Variants in KEL observed in about 807,000 individuals in gnomAD.
KEL encodes the protein kell blood group glycoprotein.
KEL carries 96 observed loss-of-function variants against 99.5 expected under a neutral mutation model. The ratio of observed to expected loss-of-function variants is 0.97; its 90% confidence interval spans 0.82 to 1.14. KEL has a LOEUF of 1.14. KEL is among the 50% of genes most tolerant of loss of function. KEL has a pLI of 0.00. For synonymous variants in KEL, 355 were observed against 354.8 expected, an observed-to-expected ratio of 1.00 and a Z score of -0.01; for missense variants, 926 against 924.2, an observed-to-expected ratio of 1.00 and a Z score of -0.03.
chr7:142,948,021 G>C (rs1796578609), intron 10 of KEL, among the ~76,000 whole-genome samples: 1 of 152,218 alleles, frequency 6.6e-6, no homozygotes, highest in Non-Finnish European at 1.5e-5. Context: ...ATGTGGAGCA[G>C]CAACCAGCAT....
Position 142,943,883 on chromosome 7 carries a change from T to C in KEL, c.1492A>G (p.Ile498Val), listed in dbSNP as rs1796440327. ...TGCAGGAAGCTCGATCCAAGCTGTA[T>C]CTGGGGAAGAGGCAGGAGGTGACTT... ...PELARQEYND[I>V]QLGSSFLQSV... The change falls in exon 14 of 19, where the codon ATA becomes GTA. Residue 498 changes from isoleucine to valine, a missense_variant and splice_region_variant. Physicochemically the swap from Ile to Val is conservative, Grantham distance 29. Coordinates refer to ENST00000355265, the MANE Select transcript of KEL (RefSeq NM_000420.3). 1.2e-6 allele frequency: 2 copies of C among 1,613,738 alleles called. No homozygotes were observed. Among genetic ancestry groups the C allele is most frequent in the South Asian group, 2.2e-5 (2 of 91,046 alleles).
At chr7:142,947,512 G>A (rs1162545811) in intron 10 of KEL, among the ~76,000 whole-genome samples, 1 of 152,140 alleles carries the variant, frequency 6.6e-6, no homozygotes, top group East Asian at 1.9e-4. Flanking sequence ...GTCCACATCT[G>A]TGTTCTATTG....
At chr7:142,943,146 A>G in intron 16 of KEL, 102 bp from the exon 17 acceptor site, 1 of 1,550,516 alleles carries the variant, frequency 6.4e-7, no homozygotes, top group Non-Finnish European at 8.9e-7. Flanking sequence ...AGCTCCCAGG[A>G]GCATGGCAAA....
chr7:142,946,095 C>T (rs1796516587), intron 11 of KEL, 112 bp downstream of exon 11: 9 of 779,576 alleles, frequency 1.2e-5, no homozygotes, highest in Non-Finnish European at 2.0e-5. Context: ...CTCTGACTGC[C>T]CAATTCCCCA....
chr7:142,942,975 T>A lies in KEL; in HGVS notation c.1841A>T (p.His614Leu). The A allele has an allele frequency of 3.1e-6, 5 of 1,614,178 alleles. No individual in the cohort carries two copies. The highest frequency in any genetic ancestry group is 4.2e-6 in the Non-Finnish European group (5 of 1,180,026). ...GCTAGGTAATGGAAAGGCAGCATAA[T>A]GGCGCTTCAGGCACAGGTGAGCTTC... is the stretch of plus-strand genomic sequence containing the variant. ...LQEAHLCLKRHYAAFPLPSRT... is the reference protein window; with the variant it reads ...LQEAHLCLKRLYAAFPLPSRT... Residue 614 changes from histidine to leucine, a missense_variant, in exon 17 of 19, where the codon CAT becomes CTT. His to Leu is a moderately conservative substitution (Grantham distance 99). Coordinates refer to ENST00000355265, the MANE Select transcript of KEL (RefSeq NM_000420.3).
At chr7:142,961,198 T>G in intron 3 of KEL, 94 bp from the exon 4 acceptor site, 1 of 1,518,788 alleles carries the variant, frequency 6.6e-7, no homozygotes, top group East Asian at 2.3e-5. Flanking sequence ...AGTAACTAAG[T>G]GGGGAGCTGA....
chr7:142,962,316 A>C lies in KEL; in HGVS notation c.-110T>G, dbSNP rs907755788. 3 of 1,258,246 alleles carry C rather than the reference A, an allele frequency of 2.4e-6. No homozygotes were observed. Among genetic ancestry groups the C allele is most frequent in the African/African-American group, 2.9e-5 (2 of 67,940 alleles). 77.9% of individuals were successfully genotyped at this position (1,258,246 alleles called of 1,614,324 possible). ...CGCCCCAGTTCCTTGATCCTGGAGA[A>C]GGGGCACTTCTGCTGCTCTTTCGCC... On this transcript the variant is annotated 5_prime_UTR_variant, in exon 1 of 19. Coordinates refer to ENST00000355265, the MANE Select transcript of KEL (RefSeq NM_000420.3).
chr7:142,955,504 T>C (rs1403194987), intron 6 of KEL, among the ~76,000 whole-genome samples: 1 of 152,228 alleles, frequency 6.6e-6, no homozygotes, highest in Admixed American at 6.5e-5. Flanking sequence ...TCATGTATTG[T>C]TGCATTGATT....
intron 10 of KEL, among the ~76,000 whole-genome samples, chr7:142,947,876 T>C (rs1796575325): frequency 6.6e-6 from 1 of 152,130 alleles, no homozygotes; most frequent in Non-Finnish European, 1.5e-5. Context: ...GCTGCATGAG[T>C]TGGAGCTCTG....
At chr7:142,961,290 C>T (rs762913210) in intron 3 of KEL, 70 bp downstream of exon 3, 21 of 1,605,562 alleles carry the variant, frequency 1.3e-5, no homozygotes, top group Non-Finnish European at 1.7e-5. Context: ...GCCCCAGGAG[C>T]AGGGACTGGG....
chr7:142,953,234 A>T, intron 9 of KEL: 1 of 481,266 alleles, frequency 2.1e-6, no homozygotes, highest in African/African-American at 2.1e-5. Context: ...CCACTCTTTC[A>T]TGTCCCCAAC....
chr7:142,941,571 T>C lies in KEL; in HGVS notation c.2038-158A>G, dbSNP rs768620605. On this transcript the variant is annotated intron_variant, in intron 18 of 18. Transcript: ENST00000355265. Reference sequence around the variant, plus strand: ...TTTGAAATGTATAGTTCATTTAATCTGGCAATAGGAGTCCAGGAGGAGGGC... The same window carrying C: ...TTTGAAATGTATAGTTCATTTAATCCGGCAATAGGAGTCCAGGAGGAGGGC... Among the ~76,000 whole-genome samples, 28 of 152,158 alleles carry C rather than the reference T, an allele frequency of 1.8e-4. 1 individual carries two copies. Among genetic ancestry groups the C allele is most frequent in the Admixed American group, 1.8e-3 (28 of 15,272 alleles).
chr7:142,942,687 T>C (rs965168052), intron 17 of KEL, among the ~76,000 whole-genome samples, 158 bp from the exon 18 acceptor site: 2 of 152,214 alleles, frequency 1.3e-5, no homozygotes, highest in African/African-American at 4.8e-5. Context: ...AGAAGACCTA[T>C]AGATGTCCTA....
At chr7:142,945,091 TC>T (rs1796488620) in intron 11 of KEL, among the ~76,000 whole-genome samples, 1 of 152,210 alleles carries the variant, frequency 6.6e-6, no homozygotes, top group African/African-American at 2.4e-5. Context: ...TGTCATTTTC[TC>T]CTCTGGCTCA....
chr7:142,956,519 G>C (rs200504037), intron 6 of KEL, among the ~76,000 whole-genome samples: 1 of 151,358 alleles, frequency 6.6e-6, no homozygotes. Context: ...TATGTCTTCA[G>C]TCTCACTTTT....
chr7:142,945,369 C>A (rs1279641928), intron 11 of KEL, among the ~76,000 whole-genome samples: 2 of 152,210 alleles, frequency 1.3e-5, no homozygotes, highest in Admixed American at 1.3e-4. Flanking sequence ...TGACTTTGGG[C>A]AAGTCACTTA....
In KEL at chr7:142,942,506, C is replaced by A. The variant is rs776707033; in HGVS notation, c.1965G>T (p.Arg655=). 6.2e-7 allele frequency: 1 copy of A among 1,609,594 alleles called. No homozygotes were observed. The change falls in exon 18 of 19, where the codon CGG becomes CGT. Residue 655 remains arginine, a synonymous_variant. Transcript: ENST00000355265. ...TGGGCAGGACAGTCTCCCCATGGTGCCGTAACAGCCTCTTGCTGTATGCCT... is the reference window on the plus strand; with the variant it reads ...TGGGCAGGACAGTCTCCCCATGGTGACGTAACAGCCTCTTGCTGTATGCCT... ...ALQAYSKRLL[R]HHGETVLPSL...
chr7:142,961,987 C>T (rs894978790), intron 1 of KEL, 115 bp from the exon 2 acceptor site: 21 of 1,608,846 alleles, frequency 1.3e-5, no homozygotes, highest in Non-Finnish European at 1.7e-5. Context: ...CCCCCACACA[C>T]ATATTTTTAT....
In KEL at chr7:142,943,339, C is replaced by G. The variant is rs766803262; in HGVS notation, c.1708G>C (p.Val570Leu). 1 of 1,614,046 alleles carries G rather than the reference C, an allele frequency of 6.2e-7. No homozygotes were observed. Among genetic ancestry groups the G allele is most frequent in the South Asian group, 1.1e-5 (1 of 91,030 alleles). ...ATGCTGCCAGCAGCGCCAAAGTTCA[C>G]GGCTCTAGGGAGACAAGGGCTTATT... ...PFFHPGYPRA[V>L]NFGAAGSIMA... is the part of the protein sequence containing the mutation. The change falls in exon 16 of 19, where the codon GTG (valine) becomes CTG (leucine). Residue 570 changes from valine to leucine, a missense_variant. Physicochemically the swap from Val to Leu is conservative, Grantham distance 32. Transcript: ENST00000355265.
Sources: gnomAD v4.1 joint callset for allele counts (sites outside exome capture counted in the v4.1 genomes callset) on GRCh38, gnomAD v4.1.1 for gene constraint, MANE v1.5 for transcripts, NCBI Gene and HGNC (gene_info 2026-07-23, HGNC 2026-07-21) for gene names.